The following TTC7B variants were observed in gnomAD, a reference collection of about 807,000 sequenced individuals.
The protein encoded by TTC7B is tetratricopeptide repeat protein 7B.
Under a neutral mutation model 106.8 loss-of-function variants are expected in TTC7B, and 28 were observed. The ratio of observed to expected loss-of-function variants is 0.26; its 90% CI spans 0.19 to 0.36. The LOEUF is 0.36. Among genes scored for constraint, TTC7B ranks in the 10% least tolerant of loss-of-function variants. The pLI, the probability that TTC7B is intolerant of heterozygous loss-of-function variation, is 1.00. For missense variants in TTC7B, 862 were observed against 1,076.4 expected (o/e 0.80, Z 2.79); for synonymous variants, 405 against 430.6 (o/e 0.94, Z 0.74).
intron 5 of TTC7B, among the ~76,000 whole-genome samples, chr14:90,726,741 G>A (rs1038144003): frequency 2.0e-5 from 3 of 152,214 alleles, no homozygotes; most frequent in Admixed American, 6.5e-5. Flanking sequence ...TTGGCGAGGC[G>A]ACTTGGAGCC....
Position 90,725,489 on chromosome 14 carries a change from A to T in TTC7B, c.698+4586T>A, listed in dbSNP as rs77384705. 7.7e-3 allele frequency among the ~76,000 whole-genome samples: 1,168 copies of T among 152,350 alleles called. 4 individuals are homozygous for T. The highest frequency in any genetic ancestry group is 0.014 in the South Asian group (67 of 4,834). ...GGCTAAACAATTGCAAAGAGATTATATGGGAAGATTGAAAGCTTTTTAAAG... is the reference window on the plus strand; with the variant it reads ...GGCTAAACAATTGCAAAGAGATTATTTGGGAAGATTGAAAGCTTTTTAAAG... On this transcript the variant is annotated intron_variant, in intron 5 of 19. Transcript: ENST00000328459.
chr14:90,676,606 T>G lies in TTC7B; in HGVS notation c.1069A>C (p.Ile357Leu), dbSNP rs775209103. ...ACCACAGATGCACTCTGCAGACTGA[T>G]GAGGCGGTCACTCTTGTGTTCAGGT... ...RIPEHKSDRL[I>L]SLQSASVVYD... is the part of the protein sequence containing the mutation. Residue 357 changes from isoleucine (I) to leucine (L), a missense_variant, in exon 9 of 20, where the codon ATC becomes CTC. Coordinates refer to ENST00000328459, the MANE Select transcript of TTC7B (RefSeq NM_001010854.2). 3 of 1,614,140 alleles carry G rather than the reference T, an allele frequency of 1.9e-6. No homozygotes were observed. The highest frequency in any genetic ancestry group is 1.1e-5 in the South Asian group (1 of 91,074).
At position 90,684,750 on chromosome 14, in the gene TTC7B, C is replaced by T. The variant is rs148210167; in HGVS notation, c.951-4215G>A. ...GTGACTGGAAGAGGCCACGGGAGGG[C>T]GTGTAGGGCTCCAGTAGTGTCCTTT... On this transcript the variant is annotated intron_variant, in intron 7 of 19. Transcript: ENST00000328459. 1.1e-4 allele frequency among the ~76,000 whole-genome samples: 16 copies of T among 152,134 alleles called. No homozygotes were observed. The East Asian group carries it at 2.3e-3, about 22-fold the overall frequency.
chr14:90,712,998 C>T (rs774032479), intron 5 of TTC7B, among the ~76,000 whole-genome samples: 8 of 151,912 alleles, frequency 5.3e-5, no homozygotes, highest in Non-Finnish European at 8.8e-5. Context: ...TTTTTACTAA[C>T]GTGTCAATGC....
At chr14:90,792,634 C>T (rs748378255) in intron 1 of TTC7B, among the ~76,000 whole-genome samples, 2 of 152,130 alleles carry the variant, frequency 1.3e-5, no homozygotes, top group African/African-American at 2.4e-5. Flanking sequence ...AAATGATCAA[C>T]GGAGAAAAAA....
At chr14:90,793,972 G>A (rs934518057) in intron 1 of TTC7B, among the ~76,000 whole-genome samples, 9 of 147,492 alleles carry the variant, frequency 6.1e-5, no homozygotes, top group South Asian at 2.2e-4. Context: ...GCACCACCTC[G>A]GCTCACTACA....
intron 3 of TTC7B, among the ~76,000 whole-genome samples, chr14:90,748,423 G>A (rs1247144822): frequency 6.6e-6 from 1 of 152,152 alleles, no homozygotes; most frequent in Admixed American, 6.5e-5. Flanking sequence ...CCACCTCCTG[G>A]GTTCAAGCGA....
chr14:90,681,059 G>C (rs1054927777), intron 7 of TTC7B, among the ~76,000 whole-genome samples: 2 of 152,114 alleles, frequency 1.3e-5, no homozygotes, highest in African/African-American at 4.8e-5. Flanking sequence ...TTTATTATGG[G>C]GTAGCATGCA....
At chr14:90,787,150 G>A (rs951651343) in intron 1 of TTC7B, among the ~76,000 whole-genome samples, 5 of 152,198 alleles carry the variant, frequency 3.3e-5, no homozygotes, top group African/African-American at 1.2e-4. Flanking sequence ...GTGTTCGTCT[G>A]TTTCTGTCTA....
chr14:90,652,440 G>A (rs1837647054), intron 13 of TTC7B, among the ~76,000 whole-genome samples: 1 of 150,222 alleles, frequency 6.7e-6, no homozygotes, highest in African/African-American at 2.5e-5. Flanking sequence ...CCTGAAATCG[G>A]CCTTCTCATT....
At chr14:90,573,333 G>C (rs1891106881) in intron 19 of TTC7B, among the ~76,000 whole-genome samples, 1 of 151,982 alleles carries the variant, frequency 6.6e-6, no homozygotes, top group Admixed American at 6.6e-5. Context: ...CTCTTTCCAT[G>C]GTTCTCAGTG....
At chr14:90,555,071 C>T (rs1890246221) in intron 19 of TTC7B, among the ~76,000 whole-genome samples, 1 of 152,172 alleles carries the variant, frequency 6.6e-6, no homozygotes, top group Non-Finnish European at 1.5e-5. Context: ...CGTCAGGTGT[C>T]AGAACCTAGG....
At chr14:90,799,013 G>A (rs1280698984) in intron 1 of TTC7B, among the ~76,000 whole-genome samples, 4 of 152,134 alleles carry the variant, frequency 2.6e-5, no homozygotes, top group Admixed American at 2.6e-4. Flanking sequence ...CCACCCCAGA[G>A]GGGTTCCCGT....
intron 17 of TTC7B, among the ~76,000 whole-genome samples, chr14:90,594,100 G>T (rs1445529563): frequency 6.6e-6 from 1 of 152,170 alleles, no homozygotes; most frequent in African/African-American, 2.4e-5. Flanking sequence ...CGTTTCATTA[G>T]TGCAAGCCTG....
At chr14:90,721,320 A>C (rs148525975) in intron 5 of TTC7B, among the ~76,000 whole-genome samples, 3 of 152,318 alleles carry the variant, frequency 2.0e-5, no homozygotes, top group African/African-American at 7.2e-5. Context: ...AAGTACACTG[A>C]AAGTAATTAC....
chr14:90,614,144 C>T (rs571052103), intron 16 of TTC7B, among the ~76,000 whole-genome samples: 3 of 152,286 alleles, frequency 2.0e-5, no homozygotes, highest in East Asian at 1.9e-4. Flanking sequence ...GAGAGAGGAA[C>T]TTCTGTTTTT....
chr14:90,718,138 C>A (rs2139975333), intron 5 of TTC7B, among the ~76,000 whole-genome samples: 1 of 152,336 alleles, frequency 6.6e-6, no homozygotes, highest in Admixed American at 6.5e-5. Flanking sequence ...ACTTGAAGAG[C>A]TACATATTTG....
At chr14:90,677,129 G>T (rs79556260) in intron 8 of TTC7B, among the ~76,000 whole-genome samples, 2 of 152,270 alleles carry the variant, frequency 1.3e-5, no homozygotes, top group East Asian at 3.9e-4. Context: ...GTGTCATCAA[G>T]TTCCATGAGT....
Position 90,578,335 on chromosome 14 carries a change from C to G in TTC7B, c.2108-27G>C, listed in dbSNP as rs1566779981. The G allele has an allele frequency of 1.9e-6, 3 of 1,605,578 alleles. No individual in the cohort carries two copies. The South Asian group carries it at 3.3e-5, about 18-fold the overall frequency. ...TGTGAGGAGACAGCAACGGCACATG[C>G]TTTCCTGGTGCCCCTCTGAGGCCCT... is the stretch of plus-strand genomic sequence containing the variant. On this transcript the variant is annotated intron_variant, in intron 18 of 19. Transcript: ENST00000328459. This position sits in a 1 kb window ranked among gnomAD's most constrained non-coding sequence, Gnocchi z 4.7.
Sources: gnomAD v4.1 joint callset for allele counts (sites outside exome capture counted in the v4.1 genomes callset) on GRCh38, gnomAD v4.1.1 for gene constraint, Gnocchi (gnomAD v3.1) non-coding constraint, MANE v1.5 for transcripts, NCBI Gene and HGNC (gene_info 2026-07-23, HGNC 2026-07-21) for gene names.